The following PRKD1 variants were observed in gnomAD, a reference collection of about 807,000 sequenced individuals.
PRKD1 encodes protein kinase D1.
A neutral mutation model predicts 95.9 loss-of-function variants in PRKD1; 63 were observed. The observed-to-expected ratio is 0.66, with a 90% confidence interval of 0.54 to 0.81. The LOEUF (loss-of-function observed/expected upper bound fraction) is 0.81, where lower values mean the gene tolerates loss of function less well. Among genes scored for constraint, PRKD1 ranks in the 30% least tolerant of loss-of-function variants. PRKD1 has a pLI of 0.00. For synonymous variants in PRKD1, 425 were observed against 423.1 expected (o/e 1.00, Z -0.05); for missense variants, 1,048 against 1,165.3 (o/e 0.90, Z 1.47).
chr14:29,772,760 G>A (rs1177758287), intron 1 of PRKD1, among the ~76,000 whole-genome samples: 1 of 152,088 alleles, frequency 6.6e-6, no homozygotes, highest in African/African-American at 2.4e-5. Flanking sequence ...AATATCTCAG[G>A]AATCTTAGCT....
intron 2 of PRKD1, among the ~76,000 whole-genome samples, chr14:29,725,281 T>C (rs1235684890): frequency 2.0e-5 from 3 of 152,164 alleles, no homozygotes; most frequent in Non-Finnish European, 4.4e-5. Context: ...GCCATCTGTA[T>C]GTTGCTAGAG....
intron 1 of PRKD1, among the ~76,000 whole-genome samples, chr14:29,739,682 G>A (rs1451752241): frequency 6.6e-6 from 1 of 152,118 alleles, no homozygotes; most frequent in Non-Finnish European, 1.5e-5. Flanking sequence ...AACCTTTGGG[G>A]AATAAAGCTA....
intron 1 of PRKD1, among the ~76,000 whole-genome samples, chr14:29,804,459 T>A (rs45626945): frequency 5.3e-5 from 8 of 152,096 alleles, no homozygotes; most frequent in Non-Finnish European, 1.0e-4. Flanking sequence ...GTCTTCTTTT[T>A]CCAGAATCTT....
chr14:29,763,438 A>AGGGGGAGGG (rs1888111639), intron 1 of PRKD1, among the ~76,000 whole-genome samples: 1 of 58,460 alleles, frequency 1.7e-5, no homozygotes, highest in African/African-American at 7.1e-5. Context: ...AGGGGGAGGG[A>AGGGGGAGGG]GGGGGGAGGG....
Position 29,597,483 on chromosome 14 carries a change from G to T in PRKD1, c.2434+8C>A, listed in dbSNP as rs1266361332. On this transcript the variant is annotated splice_region_variant and intron_variant, in intron 16 of 17. Transcript: ENST00000331968. Reference sequence around the variant, plus strand: ...AGATTATTATCATTTTTGAATGGAAGATATTACCTTCATGAGATATTTCCT... The same window carrying T: ...AGATTATTATCATTTTTGAATGGAATATATTACCTTCATGAGATATTTCCT... 1 of 1,574,654 alleles carries T rather than the reference G, an allele frequency of 6.4e-7. No individual in the cohort carries two copies. Among genetic ancestry groups the T allele is most frequent in the Admixed American group, 1.7e-5 (1 of 57,722 alleles).
At chr14:29,906,273 C>T (rs1162431269) in intron 1 of PRKD1, among the ~76,000 whole-genome samples, 2 of 152,028 alleles carry the variant, frequency 1.3e-5, no homozygotes, top group African/African-American at 4.8e-5. Flanking sequence ...GTGTAGTAGG[C>T]CATGCCTGCA....
chr14:29,759,307 C>T (rs1887863017), intron 1 of PRKD1, among the ~76,000 whole-genome samples: 1 of 152,022 alleles, frequency 6.6e-6, no homozygotes, highest in Non-Finnish European at 1.5e-5. Context: ...ATGTGCACAC[C>T]TGAAAGAGCA....
intron 1 of PRKD1, among the ~76,000 whole-genome samples, chr14:29,750,658 GC>G (rs1887440597): frequency 6.6e-6 from 1 of 150,614 alleles, no homozygotes; most frequent in Admixed American, 6.6e-5. Context: ...TCAGACTGGG[GC>G]CATGTAGACA....
At chr14:29,775,842 G>A (rs111716304) in intron 1 of PRKD1, among the ~76,000 whole-genome samples, 2,088 of 152,266 alleles carry the variant, frequency 0.014, 51 homozygotes, top group African/African-American at 0.047. Flanking sequence ...CAGCCAGACC[G>A]CCTCCTCAAG....
At chr14:29,657,329 A>C (rs963483585) in intron 4 of PRKD1, 38 of 152,220 alleles carry the variant, frequency 2.5e-4, no homozygotes, top group African/African-American at 7.7e-4. Flanking sequence ...GATAACTAGA[A>C]ACCAAATCAA....
chr14:29,921,249 T>C (rs1895094249), intron 1 of PRKD1, among the ~76,000 whole-genome samples: 1 of 152,062 alleles, frequency 6.6e-6, no homozygotes, highest in Admixed American at 6.5e-5. Flanking sequence ...ATGCTGAGAG[T>C]TTGAGATTTG....
intron 4 of PRKD1, among the ~76,000 whole-genome samples, chr14:29,640,954 A>T (rs556994564): frequency 6.6e-6 from 1 of 152,330 alleles, no homozygotes; most frequent in East Asian, 1.9e-4. Context: ...AGCAAGAGGG[A>T]ATCTAGTAAA....
chr14:29,906,942 T>A (rs1894516141), intron 1 of PRKD1, among the ~76,000 whole-genome samples: 1 of 152,268 alleles, frequency 6.6e-6, no homozygotes, highest in African/African-American at 2.4e-5. Flanking sequence ...GTCAGGCTTT[T>A]TATTATTCGC....
chr14:29,826,812 T>TATACATATATATAC (rs1566622991), intron 1 of PRKD1, among the ~76,000 whole-genome samples: 1 of 51,324 alleles, frequency 1.9e-5, no homozygotes, highest in Non-Finnish European at 3.6e-5. Context: ...CACATATATA[T>TATACATATATATAC]ACACATATAT....
intron 1 of PRKD1, among the ~76,000 whole-genome samples, chr14:29,835,425 T>A (rs968317744): frequency 5.9e-5 from 9 of 152,098 alleles, no homozygotes; most frequent in Admixed American, 5.2e-4. Context: ...TCTAGAGAAA[T>A]TAGTTATTAT....
chr14:29,609,205 T>C (rs1233832812), intron 13 of PRKD1, among the ~76,000 whole-genome samples: 1 of 152,148 alleles, frequency 6.6e-6, no homozygotes, highest in Non-Finnish European at 1.5e-5. Flanking sequence ...AGCAGAGATT[T>C]ATCCTGGTTT....
chr14:29,826,608 T>C (rs1891133384), intron 1 of PRKD1, among the ~76,000 whole-genome samples: 1 of 130,098 alleles, frequency 7.7e-6, no homozygotes, highest in African/African-American at 2.8e-5. Context: ...TATACATATA[T>C]ACATACATAT....
chr14:29,723,550 A>G (rs1886001557), intron 2 of PRKD1, among the ~76,000 whole-genome samples: 1 of 152,174 alleles, frequency 6.6e-6, no homozygotes, highest in Non-Finnish European at 1.5e-5. Context: ...AAACTATTGT[A>G]AACATAAACA....
At chr14:29,924,282 C>T (rs539175529) in intron 1 of PRKD1, among the ~76,000 whole-genome samples, 136 of 152,208 alleles carry the variant, frequency 8.9e-4, no homozygotes, top group African/African-American at 3.2e-3. Flanking sequence ...ACTTAGGGTA[C>T]GTTATCTTAA....
Sources: gnomAD v4.1 joint callset for allele counts (sites outside exome capture counted in the v4.1 genomes callset) on GRCh38, gnomAD v4.1.1 for gene constraint, MANE v1.5 for transcripts, NCBI Gene and HGNC (gene_info 2026-07-23, HGNC 2026-07-21) for gene names.